The following EPDR1 variants were observed in gnomAD, a reference collection of about 807,000 sequenced individuals.
EPDR1 encodes the protein mammalian ependymin-related protein 1.
EPDR1 carries 27 observed loss-of-function variants against 23.7 expected under a neutral mutation model. The ratio of observed to expected loss-of-function variants is 1.14; its 90% confidence interval spans 0.84 to 1.57. The LOEUF (loss-of-function observed/expected upper bound fraction) is 1.57, where lower values mean the gene tolerates loss of function less well. EPDR1 is among the 40% of genes most tolerant of loss of function. The pLI is 0.00. For missense variants in EPDR1, 349 were observed against 290.4 expected, an observed-to-expected ratio of 1.20 and a Z score of -1.47; for synonymous variants, 137 against 118.2, an observed-to-expected ratio of 1.16 and a Z score of -1.03.
chr7:37,946,833 G>A (rs1448136795), intron 1 of EPDR1, among the ~76,000 whole-genome samples: 1 of 149,974 alleles, frequency 6.7e-6, no homozygotes, highest in African/African-American at 2.4e-5. Context: ...ATAGAAAAAA[G>A]CATATCAAAT....
intron 1 of EPDR1, among the ~76,000 whole-genome samples, chr7:37,938,473 T>C (rs1404912797): frequency 1.3e-5 from 2 of 152,204 alleles, no homozygotes; most frequent in African/African-American, 4.8e-5. Context: ...GTGGACATTT[T>C]TCTGCTAAAG....
At chr7:37,947,020 C>T (rs1015742869) in intron 1 of EPDR1, among the ~76,000 whole-genome samples, 2 of 152,060 alleles carry the variant, frequency 1.3e-5, no homozygotes, top group South Asian at 2.1e-4. Context: ...TTTAGTGTAG[C>T]CTAAGTGTAC....
At chr7:37,927,794 C>T (rs1377265137) in intron 1 of EPDR1, among the ~76,000 whole-genome samples, 1 of 152,192 alleles carries the variant, frequency 6.6e-6, no homozygotes, top group Non-Finnish European at 1.5e-5. Flanking sequence ...AGCATGACTT[C>T]TCCTTTGACC....
At chr7:37,945,924 G>A (rs991551396) in intron 1 of EPDR1, among the ~76,000 whole-genome samples, 4 of 151,988 alleles carry the variant, frequency 2.6e-5, no homozygotes, top group East Asian at 3.9e-4. Context: ...TCCCCGACGC[G>A]TCCATTTGTT....
At position 37,942,105 on chromosome 7, in the gene EPDR1, G is replaced by A. The variant is rs184586805; in HGVS notation, c.270-6735G>A. ...TAGTTAGAAAACAAATAAATGATAG[G>A]CACTCATTTGCGTAAAATGAGTATA... On this transcript the variant is annotated intron_variant, in intron 1 of 2. Transcript: ENST00000199448. Among the ~76,000 whole-genome samples the A allele has an allele frequency of 5.5e-3, 840 of 152,178 alleles. 14 individuals carry two copies. The highest frequency in any genetic ancestry group is 9.6e-3 in the Non-Finnish European group (653 of 67,976).
chr7:37,932,427 AT>A (rs1785963963), intron 1 of EPDR1, among the ~76,000 whole-genome samples: 1 of 152,104 alleles, frequency 6.6e-6, no homozygotes, highest in African/African-American at 2.4e-5. Context: ...CCTTGCTACT[AT>A]TTTTTATTTT....
intron 1 of EPDR1, among the ~76,000 whole-genome samples, chr7:37,936,039 T>TATATATAC (rs57925993): frequency 2.5e-5 from 2 of 80,940 alleles, no homozygotes; most frequent in African/African-American, 4.3e-5. Context: ...TATATATATA[T>TATATATAC]ACACAAGGGA....
intron 1 of EPDR1, among the ~76,000 whole-genome samples, chr7:37,927,116 A>T (rs546945063): frequency 6.6e-5 from 10 of 152,294 alleles, no homozygotes; most frequent in African/African-American, 2.4e-4. Flanking sequence ...AGCCCTGGTT[A>T]CTTTTCCTGG....
At chr7:37,939,589 TAGGCATGTTATAACA>T (rs770298206) in intron 1 of EPDR1, among the ~76,000 whole-genome samples, 78 of 152,218 alleles carry the variant, frequency 5.1e-4, no homozygotes, top group Non-Finnish European at 9.3e-4. Flanking sequence ...AGATCCTGTT[TAGGCATGTTATAACA>T]AGTTTTGTGA....
chr7:37,947,485 C>A (rs1786299792), intron 1 of EPDR1, among the ~76,000 whole-genome samples: 1 of 152,222 alleles, frequency 6.6e-6, no homozygotes, highest in Non-Finnish European at 1.5e-5. Context: ...CCATTTCTAA[C>A]ATTTTTTTCC....
At chr7:37,921,763 ACTC>A (rs1482758419) in intron 1 of EPDR1, among the ~76,000 whole-genome samples, 1 of 151,974 alleles carries the variant, frequency 6.6e-6, no homozygotes, top group Admixed American at 6.6e-5. Flanking sequence ...ATTTTGGTCT[ACTC>A]CTTTTAAGTT....
intron 1 of EPDR1, among the ~76,000 whole-genome samples, chr7:37,933,282 A>G (rs1785980142): frequency 6.6e-6 from 1 of 152,206 alleles, no homozygotes; most frequent in Non-Finnish European, 1.5e-5. Flanking sequence ...AATTTTTTCC[A>G]TAAAAGCCAA....
intron 1 of EPDR1, among the ~76,000 whole-genome samples, chr7:37,946,484 G>A (rs1197897178): frequency 6.6e-6 from 1 of 152,200 alleles, no homozygotes; most frequent in Non-Finnish European, 1.5e-5. Context: ...AATGATCAGT[G>A]ATGTTGGGCT....
chr7:37,921,100 T>C lies in EPDR1; in HGVS notation c.161T>C (p.Met54Thr). ...APQQWEGRQVMYQQSSGRNSR... is the reference protein window; with the variant it reads ...APQQWEGRQVTYQQSSGRNSR... ...CAGCAGTGGGAGGGGCGCCAGGTTA[T>C]GTACCAGCAAAGTAGCGGGCGCAAC... Residue 54 changes from methionine (M) to threonine (T), a missense_variant, in exon 1 of 3, where the codon ATG becomes ACG. Transcript: ENST00000199448. 1.3e-6 allele frequency: 2 copies of C among 1,591,726 alleles called. No individual in the cohort carries two copies. Among genetic ancestry groups the C allele is most frequent in the Non-Finnish European group, 1.7e-6 (2 of 1,176,324 alleles).
rs796118307 is a variant in EPDR1, at chr7:37,940,927, T to A, written c.270-7913T>A. Among the ~76,000 whole-genome samples the A allele has an allele frequency of 1.5e-4, 23 of 151,474 alleles. 1 individual carries two copies. Among genetic ancestry groups the A allele is most frequent in the African/African-American group, 4.8e-4 (20 of 41,280 alleles). Reference sequence around the variant, plus strand: ...GTTTCCCCACTAAGGGTAACTAGAGTTTTTTAGAGAAATGCCTGATTTCAG... The same window carrying A: ...GTTTCCCCACTAAGGGTAACTAGAGATTTTTAGAGAAATGCCTGATTTCAG... On this transcript the variant is annotated intron_variant, in intron 1 of 2. Transcript: ENST00000199448.
At chr7:37,950,159 C>T in intron 2 of EPDR1, 41 bp from the exon 3 acceptor site, 2 of 1,437,538 alleles carry the variant, frequency 1.4e-6, no homozygotes, top group Non-Finnish European at 1.9e-6. Context: ...AACTTCTTGC[C>T]TGTCTTCTTT....
intron 1 of EPDR1, among the ~76,000 whole-genome samples, chr7:37,934,703 A>C (rs1160263684): frequency 2.6e-5 from 4 of 152,090 alleles, no homozygotes; most frequent in Non-Finnish European, 5.9e-5. Flanking sequence ...CAGCATTCTG[A>C]GGGGCTGATG....
In EPDR1 at chr7:37,920,995, T is replaced by C. The variant is rs1015599278; in HGVS notation, c.56T>C (p.Leu19Pro). 47 of 1,536,004 alleles carry C rather than the reference T, an allele frequency of 3.1e-5. No homozygotes were observed. Among genetic ancestry groups the C allele is most frequent in the Non-Finnish European group, 3.8e-5 (44 of 1,145,366 alleles). ...CCGGGCGCCCTGGGTGCCTGGCTGCTGGGCGGCCTCTGGGCCTGGACCCTG... is the reference window on the plus strand; with the variant it reads ...CCGGGCGCCCTGGGTGCCTGGCTGCCGGGCGGCCTCTGGGCCTGGACCCTG... ...TVPGALGAWLLGGLWAWTLCG... is the reference protein window; with the variant it reads ...TVPGALGAWLPGGLWAWTLCG... The change falls in exon 1 of 3, where the codon CTG becomes CCG. Residue 19 changes from leucine to proline, a missense_variant. Leu to Pro is a moderately conservative substitution (Grantham distance 98). Transcript: ENST00000199448.
chr7:37,945,714 T>G (rs982846543), intron 1 of EPDR1, among the ~76,000 whole-genome samples: 15 of 149,334 alleles, frequency 1.0e-4, no homozygotes, highest in Non-Finnish European at 1.5e-4. Flanking sequence ...TGTATTATAC[T>G]TTTTTTTCTT....
Sources: gnomAD v4.1 joint callset for allele counts (sites outside exome capture counted in the v4.1 genomes callset) on GRCh38, gnomAD v4.1.1 for gene constraint, MANE v1.5 for transcripts, NCBI Gene and HGNC (gene_info 2026-07-23, HGNC 2026-07-21) for gene names.